Variants in PIEZO2 observed in about 807,000 individuals in gnomAD.
PIEZO2 encodes piezo type mechanosensitive ion channel component 2.
Under a neutral mutation model 337.3 loss-of-function variants are expected in PIEZO2, and 172 were observed. That is an observed-to-expected ratio of 0.51 (90% CI 0.45 to 0.58). The LOEUF is 0.58. Ranked by LOEUF, PIEZO2 falls within the 20% of genes least tolerant of loss-of-function variation. PIEZO2 has a pLI of 0.00. For synonymous variants in PIEZO2, 1,251 were observed against 1,228.5 expected (o/e 1.02, Z -0.38); for missense variants, 3,028 against 3,391.3 (o/e 0.89, Z 2.66).
chr18:10,748,037 G>A lies in PIEZO2; in HGVS notation c.4424+434C>T, dbSNP rs924355098. Among the ~76,000 whole-genome samples the A allele has an allele frequency of 6.6e-6, 1 of 152,116 alleles. No homozygotes were observed. The highest frequency in any genetic ancestry group is 1.5e-5 in the Non-Finnish European group (1 of 68,030). On this transcript the variant is annotated intron_variant, in intron 30 of 55. Transcript: ENST00000674853. The surrounding 1 kb of genome is among the most constrained non-coding windows in gnomAD (Gnocchi z 5.1). ...AGGGGCAAAAACTGGAAGAAGAATG[G>A]AGCCTAGGGGAAAAAACAGGTAGTA...
chr18:11,095,956 G>T (rs561157967), intron 1 of PIEZO2, among the ~76,000 whole-genome samples: 3 of 152,296 alleles, frequency 2.0e-5, no homozygotes, highest in Admixed American at 1.3e-4. Flanking sequence ...AAATTCAGAT[G>T]CTGTCAGGGA....
intron 1 of PIEZO2, among the ~76,000 whole-genome samples, chr18:11,114,567 A>T (rs2039830149): frequency 6.6e-6 from 1 of 152,120 alleles, no homozygotes; most frequent in Admixed American, 6.5e-5. Flanking sequence ...TGGGAGACTG[A>T]GGTAAGAGAA....
chr18:10,977,704 T>C (rs2034497590), intron 3 of PIEZO2, among the ~76,000 whole-genome samples: 1 of 152,202 alleles, frequency 6.6e-6, no homozygotes, highest in East Asian at 1.9e-4. Flanking sequence ...AACATTAAAA[T>C]CGCATTTTAA....
At chr18:10,849,594 T>C (rs2041476410) in intron 7 of PIEZO2, among the ~76,000 whole-genome samples, 1 of 152,134 alleles carries the variant, frequency 6.6e-6, no homozygotes, top group African/African-American at 2.4e-5. Flanking sequence ...CAAGGATCCC[T>C]GAACCGTAAA....
At chr18:10,906,648 C>T (rs978685441) in intron 4 of PIEZO2, among the ~76,000 whole-genome samples, 4 of 152,054 alleles carry the variant, frequency 2.6e-5, no homozygotes, top group African/African-American at 9.7e-5. Flanking sequence ...GCAACCTCCG[C>T]CTCCTGGGTT....
At chr18:11,023,823 C>T (rs551005055) in intron 2 of PIEZO2, among the ~76,000 whole-genome samples, 121 of 152,332 alleles carry the variant, frequency 7.9e-4, no homozygotes, top group African/African-American at 2.3e-3. Flanking sequence ...GGCGAGAATT[C>T]GAGCGCAGCG....
rs928182471 is a variant in PIEZO2 at position 10,748,420 on chromosome 18, T to C, written c.4424+51A>G. The C allele has an allele frequency of 1.6e-5, 24 of 1,507,284 alleles. No individual in the cohort carries two copies. Among genetic ancestry groups the C allele is most frequent in the Non-Finnish European group, 1.9e-5 (21 of 1,122,594 alleles). The allele number at this position is 1,507,284 out of a possible 1,614,324, so 93.4% of individuals were successfully genotyped here. A position where few individuals can be genotyped will look rare whatever the true frequency, so the allele number is the denominator to read the frequency against. On this transcript the variant is annotated intron_variant, in intron 30 of 55. Coordinates refer to ENST00000674853, the MANE Select transcript of PIEZO2 (RefSeq NM_001378183.1). This position sits in a 1 kb window ranked among gnomAD's most constrained non-coding sequence, Gnocchi z 5.1. ...AGACAGAAATGATAGTGCAATATTA[T>C]TTCAGGCAAGTTTCCTGGGAGAAAC...
At chr18:11,121,497 T>G (rs1401010179) in intron 1 of PIEZO2, among the ~76,000 whole-genome samples, 2 of 152,052 alleles carry the variant, frequency 1.3e-5, no homozygotes, top group African/African-American at 2.4e-5. Flanking sequence ...TTCCAGGAGT[T>G]CAAGGCAGCA....
intron 15 of PIEZO2, 150 bp from the exon 16 acceptor site, chr18:10,787,334 G>C: frequency 2.2e-6 from 2 of 895,042 alleles, no homozygotes; most frequent in Admixed American, 3.0e-5. Flanking sequence ...TTAATGTTCC[G>C]TGTCTATCAC....
At chr18:10,809,424 C>T (rs750051326) in intron 7 of PIEZO2, among the ~76,000 whole-genome samples, 9 of 151,856 alleles carry the variant, frequency 5.9e-5, no homozygotes, top group Non-Finnish European at 1.2e-4. Context: ...GTGCGCACCA[C>T]CATGCCAGCT....
chr18:10,902,777 G>C (rs2043082409), intron 4 of PIEZO2, among the ~76,000 whole-genome samples: 1 of 152,218 alleles, frequency 6.6e-6, no homozygotes, highest in African/African-American at 2.4e-5. Context: ...CCTGAACAGA[G>C]GGCTTGGGTG....
chr18:11,031,085 G>A lies in PIEZO2; in HGVS notation c.160+35042C>T, dbSNP rs7228291. On this transcript the variant is annotated intron_variant, in intron 2 of 55. Coordinates refer to ENST00000674853, the MANE Select transcript of PIEZO2 (RefSeq NM_001378183.1). The surrounding 1 kb of genome is among the most constrained non-coding windows in gnomAD (Gnocchi z 4.7). ...GCTCATTGCAAACGCCGCCTCCCGG[G>A]TTCACACCATTCTCCTGCCTCAGCC... 0.41 allele frequency among the ~76,000 whole-genome samples: 61,359 copies of A among 151,458 alleles called. 12,758 individuals carry two copies. Among genetic ancestry groups the A allele is most frequent in the East Asian group, 0.55 (2,825 of 5,120 alleles).
At position 10,979,461 on chromosome 18, in the gene PIEZO2, G is replaced by C. The variant is rs1472501985; in HGVS notation, c.286+74C>G. ...TTGCATAGATTTCTATGTGTGCGAT[G>C]ACACACAGCTTTATTATGCACGTAT... On this transcript the variant is annotated intron_variant, in intron 3 of 55. Transcript: ENST00000674853. This position sits in a 1 kb window ranked among gnomAD's most constrained non-coding sequence, Gnocchi z 4.0. 2.4e-5 allele frequency: 31 copies of C among 1,274,756 alleles called. No individual in the cohort carries two copies. Among genetic ancestry groups the C allele is most frequent in the Non-Finnish European group, 3.1e-5 (31 of 986,532 alleles). 79.0% of individuals were successfully genotyped at this position (1,274,756 alleles called of 1,614,324 possible). A position where few individuals can be genotyped will look rare whatever the true frequency, so the allele number is the denominator to read the frequency against.
At chr18:10,946,278 T>A (rs1267246034) in intron 3 of PIEZO2, among the ~76,000 whole-genome samples, 1 of 152,180 alleles carries the variant, frequency 6.6e-6, no homozygotes, top group Non-Finnish European at 1.5e-5. Context: ...GCAGATTTTG[T>A]ATCAGAACCA....
chr18:10,854,038 ACT>A lies in PIEZO2; in HGVS notation c.917+1313_917+1314del, dbSNP rs1237252090. Among the ~76,000 whole-genome samples, 3 of 150,634 alleles carry A rather than the reference ACT, an allele frequency of 2.0e-5. No homozygotes were observed. Among genetic ancestry groups the A allele is most frequent in the Non-Finnish European group, 4.4e-5 (3 of 67,740 alleles). Reference sequence around the variant, plus strand: ...TCTGAACTAGACAGTTGCTGCCTCCACTCTCTATGCAGGCCTCTTTTCCATGC... The same window carrying A: ...TCTGAACTAGACAGTTGCTGCCTCCACTCTATGCAGGCCTCTTTTCCATGC... On this transcript the variant is annotated intron_variant, in intron 7 of 55. Coordinates refer to ENST00000674853, the MANE Select transcript of PIEZO2 (RefSeq NM_001378183.1). This position sits in a 1 kb window ranked among gnomAD's most constrained non-coding sequence, Gnocchi z 4.6.
chr18:10,787,182 C>T lies in PIEZO2; in HGVS notation c.2172G>A (p.Val724=), dbSNP rs2039252521. The T allele has an allele frequency of 6.7e-7, 1 of 1,502,626 alleles. No homozygotes were observed. Among genetic ancestry groups the T allele is most frequent in the South Asian group, 1.3e-5 (1 of 77,986 alleles). The allele number at this position is 1,502,626 out of a possible 1,614,324, so 93.1% of individuals were successfully genotyped here. Residue 724 remains valine, a splice_region_variant and synonymous_variant, in exon 16 of 56, where the codon GTG becomes GTA. Transcript: ENST00000674853. ...LFLFCVALYQ[V]HYEWWRKILK... is the part of the protein sequence containing the mutation. ...GAATTTTCCTCCACCATTCATAGTG[C>T]ACCTGCAAATCAGACATTGAAAAAA...
At chr18:11,053,332 C>T (rs1352489055) in intron 2 of PIEZO2, among the ~76,000 whole-genome samples, 1 of 152,140 alleles carries the variant, frequency 6.6e-6, no homozygotes, top group Non-Finnish European at 1.5e-5. Flanking sequence ...TTAGAAAGCA[C>T]TAGTAAGATC....
At chr18:10,808,446 TA>T (rs1217026016) in intron 7 of PIEZO2, among the ~76,000 whole-genome samples, 3 of 152,232 alleles carry the variant, frequency 2.0e-5, no homozygotes, top group Admixed American at 2.0e-4. Context: ...ATTCTTCAGT[TA>T]TAGAATCTTC....
intron 2 of PIEZO2, among the ~76,000 whole-genome samples, chr18:11,023,908 C>T (rs577002256): frequency 3.5e-4 from 54 of 152,328 alleles, no homozygotes; most frequent in African/African-American, 1.2e-3. Flanking sequence ...CCCCTCATTG[C>T]CCGGGGCCGG....
Sources: gnomAD v4.1 joint callset for allele counts (sites outside exome capture counted in the v4.1 genomes callset) on GRCh38, gnomAD v4.1.1 for gene constraint, Gnocchi (gnomAD v3.1) non-coding constraint, MANE v1.5 for transcripts, NCBI Gene and HGNC (gene_info 2026-07-23, HGNC 2026-07-21) for gene names.